Variants in HIPK1 observed in about 807,000 individuals in gnomAD.
HIPK1 encodes homeodomain interacting protein kinase 1, also known as homeodomain-interacting protein kinase 1.
A neutral mutation model predicts 117.1 loss-of-function variants in HIPK1; 28 were observed. That is an observed-to-expected ratio of 0.24 (90% CI 0.18 to 0.33). The LOEUF is 0.33. HIPK1 is among the 10% of genes least tolerant of loss of function. The pLI is 1.00. For missense variants in HIPK1, 1,122 were observed against 1,475.1 expected, an observed-to-expected ratio of 0.76 and a Z score of 3.92; for synonymous variants, 605 against 562.5, an observed-to-expected ratio of 1.08 and a Z score of -1.07.
chr1:113,958,022 C>G (rs755621235), intron 7 of HIPK1, 44 bp from the exon 8 acceptor site: 8 of 1,335,510 alleles, frequency 6.0e-6, no homozygotes, highest in Non-Finnish European at 8.6e-6. Flanking sequence ...TATTGTGTGT[C>G]TCTACTTAAT....
In HIPK1 at chr1:113,941,088, G is replaced by A. The variant is rs530383242; in HGVS notation, c.705G>A (p.Val235=). 2 of 1,614,234 alleles carry A rather than the reference G, an allele frequency of 1.2e-6. No homozygotes were observed. The highest frequency in any genetic ancestry group is 2.2e-5 in the South Asian group (2 of 91,086). ...ATGCCAGACAAGGACAGATTGAAGTGAGCATCCTTTCCCGCCTAAGCAGTG... is the reference window on the plus strand; with the variant it reads ...ATGCCAGACAAGGACAGATTGAAGTAAGCATCCTTTCCCGCCTAAGCAGTG... ...PSYARQGQIE[V]SILSRLSSEN... The change falls in exon 2 of 16, where the codon GTG becomes GTA. Residue 235 remains valine, a synonymous_variant. Transcript: ENST00000426820. The surrounding 1 kb of genome is among the most constrained non-coding windows in gnomAD (Gnocchi z 4.9).
At chr1:113,957,359 A>G (rs1359139787) in intron 7 of HIPK1, 73 bp downstream of exon 7, 1 of 1,259,782 alleles carries the variant, frequency 7.9e-7, no homozygotes, top group Non-Finnish European at 1.1e-6. Flanking sequence ...GGCAAGGTAA[A>G]GAACCAATTT....
chr1:113,955,529 A>G, intron 4 of HIPK1, 34 bp from the exon 5 acceptor site: 1 of 1,231,046 alleles, frequency 8.1e-7, no homozygotes, highest in Non-Finnish European at 1.2e-6. Flanking sequence ...TAACATACAG[A>G]TGGAATTTAA....
At position 113,973,339 on chromosome 1, in the gene HIPK1, C is replaced by A. The variant is rs913044758; in HGVS notation, c.3460C>A (p.His1154Asn). Residue 1154 changes from histidine (H) to asparagine (N), a missense_variant, in exon 16 of 16, where the codon CAC becomes AAC. His to Asn is a moderately conservative substitution (Grantham distance 68). Coordinates refer to ENST00000426820, the MANE Select transcript of HIPK1 (RefSeq NM_198268.3). ...AYTTHPSTLVHQVPVSVGPSL... is the reference protein window; with the variant it reads ...AYTTHPSTLVNQVPVSVGPSL... The stretch of plus-strand genomic sequence containing the variant: ...TACCACTCACCCTAGCACTTTGGTG[C>A]ACCAGGTCCCTGTCAGTGTTGGGCC... 6.2e-7 allele frequency: 1 copy of A among 1,614,054 alleles called. No individual in the cohort carries two copies. The highest frequency in any genetic ancestry group is 1.3e-5 in the African/African-American group (1 of 74,920).
chr1:113,941,160 G>A lies in HIPK1; in HGVS notation c.777G>A (p.Gln259=), dbSNP rs767205903. ...TTGTCCGTTCATACGAGTGCTTTCA[G>A]CATAAGAATCACACCTGCCTTGTTT... The part of the protein sequence containing the change: ...YNFVRSYECF[Q]HKNHTCLVFE... Residue 259 remains glutamine (Q), a synonymous_variant, in exon 2 of 16, where the codon CAG becomes CAA. Transcript: ENST00000426820. This position sits in a 1 kb window ranked among gnomAD's most constrained non-coding sequence, Gnocchi z 4.9. 23 of 1,614,126 alleles carry A rather than the reference G, an allele frequency of 1.4e-5. No homozygotes were observed. Among genetic ancestry groups the A allele is most frequent in the Non-Finnish European group, 1.9e-5 (22 of 1,180,052 alleles).
At chr1:113,945,682 A>G (rs1006675376) in intron 2 of HIPK1, among the ~76,000 whole-genome samples, 4 of 152,144 alleles carry the variant, frequency 2.6e-5, no homozygotes, top group Non-Finnish European at 4.4e-5. Context: ...CCCATTTTCA[A>G]TGTTGGGCTC....
chr1:113,970,339 C>T, intron 14 of HIPK1, 142 bp downstream of exon 14: 1 of 852,692 alleles, frequency 1.2e-6, no homozygotes. Context: ...AAATCAGTTC[C>T]CTGCACAATG....
At position 113,941,880 on chromosome 1, in the gene HIPK1, C is replaced by A. The variant is rs2101179810; in HGVS notation, c.1076+421C>A. Among the ~76,000 whole-genome samples the A allele has an allele frequency of 6.6e-6, 1 of 152,198 alleles. No individual in the cohort carries two copies. The highest frequency in any genetic ancestry group is 1.9e-4 in the East Asian group (1 of 5,178). ...GTTCACGCCATTCTCCTGCCTCAGC[C>A]TCCTGAGTAGCTGGGACCACAGGCA... On this transcript the variant is annotated intron_variant, in intron 2 of 15. Coordinates refer to ENST00000426820, the MANE Select transcript of HIPK1 (RefSeq NM_198268.3). This position sits in a 1 kb window ranked among gnomAD's most constrained non-coding sequence, Gnocchi z 4.9.
chr1:113,939,433 G>A (rs949072378), intron 1 of HIPK1, among the ~76,000 whole-genome samples: 22 of 151,722 alleles, frequency 1.5e-4, no homozygotes, highest in Admixed American at 1.2e-3. Flanking sequence ...CGTTGGATGT[G>A]TGATGGCATC....
chr1:113,962,653 T>C (rs1271759101), intron 9 of HIPK1, among the ~76,000 whole-genome samples: 2 of 152,228 alleles, frequency 1.3e-5, no homozygotes, highest in Non-Finnish European at 2.9e-5. Context: ...GGAAAAAATA[T>C]CCAGACATTC....
chr1:113,962,238 G>A (rs41302825), intron 8 of HIPK1, 79 bp from the exon 9 acceptor site: 349,556 of 1,422,498 alleles, frequency 0.25, 44,558 homozygotes, highest in African/African-American at 0.38. Context: ...TTTGAACAGA[G>A]AAGCTGAAAA....
intron 1 of HIPK1, chr1:113,929,951 C>A: frequency 1.0e-6 from 1 of 984,948 alleles, no homozygotes; most frequent in Non-Finnish European, 1.2e-6. Flanking sequence ...TGAGTGGGGA[C>A]GGGCAGGAGG....
chr1:113,976,519 A>T lies in HIPK1; in HGVS notation c.*3007A>T, dbSNP rs1319387883. 6.5e-6 allele frequency: 1 copy of T among 152,792 alleles called. No individual in the cohort carries two copies. Among genetic ancestry groups the T allele is most frequent in the African/African-American group, 2.4e-5 (1 of 41,456 alleles). 9.5% of individuals were successfully genotyped at this position (152,792 alleles called of 1,614,324 possible). A position where few individuals can be genotyped will look rare whatever the true frequency, so the allele number is the denominator to read the frequency against. On this transcript the variant is annotated 3_prime_UTR_variant, in exon 16 of 16. Transcript: ENST00000426820. ...AGATACCACTTAAGATAGGAGTCTA[A>T]ACTCCACAGAAAAGGATAATACCAA...
At chr1:113,955,989 TATGTC>T (rs1671689646) in intron 5 of HIPK1, among the ~76,000 whole-genome samples, 1 of 152,030 alleles carries the variant, frequency 6.6e-6, no homozygotes, top group Admixed American at 6.6e-5. Flanking sequence ...ACTTCACACT[TATGTC>T]ATTTAATTTT....
intron 12 of HIPK1, among the ~76,000 whole-genome samples, 196 bp from the exon 13 acceptor site, chr1:113,968,246 A>G (rs1296634413): frequency 1.3e-5 from 2 of 152,130 alleles, no homozygotes; most frequent in Admixed American, 1.3e-4. Flanking sequence ...TGTCTTTTGT[A>G]TTTTGGTGTT....
chr1:113,952,641 A>AT (rs969197077), intron 2 of HIPK1, 125 bp from the exon 3 acceptor site: 93 of 692,396 alleles, frequency 1.3e-4, no homozygotes, highest in African/African-American at 9.3e-4. Flanking sequence ...TATACCAAAG[A>AT]TTTTTTTTCC....
intron 13 of HIPK1, 26 bp from the exon 14 acceptor site, chr1:113,969,920 AACAATTCAAT>A (rs1672708545): frequency 6.2e-7 from 1 of 1,611,600 alleles, no homozygotes; most frequent in Non-Finnish European, 8.5e-7. Flanking sequence ...CACAAAAAAG[AACAATTCAAT>A]TTTCATGTAT....
intron 1 of HIPK1, chr1:113,930,033 G>A (rs1669748192): frequency 2.0e-6 from 2 of 984,754 alleles, no homozygotes; most frequent in Non-Finnish European, 2.4e-6. Flanking sequence ...CTCTCCTGGA[G>A]CGCCCAGCCT....
intron 2 of HIPK1, among the ~76,000 whole-genome samples, chr1:113,948,003 T>C (rs1671100358): frequency 6.6e-6 from 1 of 152,166 alleles, no homozygotes; most frequent in Non-Finnish European, 1.5e-5. Context: ...AACCAGAGTT[T>C]TACGTGTCTG....
Sources: allele counts gnomAD v4.1 joint callset (sites outside exome capture counted in the v4.1 genomes callset), GRCh38; gene constraint gnomAD v4.1.1; non-coding constraint Gnocchi (gnomAD v3.1); transcripts MANE v1.5; gene names NCBI Gene and HGNC (gene_info 2026-07-23, HGNC 2026-07-21).